ZNG1B: variants seen among roughly 807,000 people sequenced by gnomAD.
The protein encoded by ZNG1B is zinc-regulated GTPase metalloprotein activator 1B.
the ZNG1B span, among the ~76,000 whole-genome samples, chr2:113,438,352 C>T: frequency 6.6e-6 from 1 of 152,150 alleles, no homozygotes; most frequent in East Asian, 1.9e-4. Flanking sequence ...ATCTACCTCA[C>T]CTGAAAATGG....
At chr2:113,488,454 A>C in the ZNG1B span, among the ~76,000 whole-genome samples, 1 of 152,208 alleles carries the variant, frequency 6.6e-6, no homozygotes, top group Non-Finnish European at 1.5e-5. Flanking sequence ...TGACAAAAGA[A>C]GGTTCTTTAA....
At chr2:113,437,795 T>C in the ZNG1B span, 12 of 1,596,318 alleles carry the variant, frequency 7.5e-6, no homozygotes, top group Non-Finnish European at 1.0e-5. Context: ...AGTGGCGTGC[T>C]GGGCGTGCGC....
At chr2:113,472,434 T>C in the ZNG1B span, among the ~76,000 whole-genome samples, 4 of 151,920 alleles carry the variant, frequency 2.6e-5, no homozygotes, top group South Asian at 4.2e-4. Context: ...ATTTTGTAGG[T>C]TGCCTGTTCA....
the ZNG1B span, among the ~76,000 whole-genome samples, chr2:113,477,865 T>C: frequency 3.3e-5 from 5 of 152,218 alleles, no homozygotes; most frequent in African/African-American, 1.2e-4. Context: ...TCTACACTCT[T>C]TCTGTGGGGT....
At chr2:113,458,189 TC>T in the ZNG1B span, among the ~76,000 whole-genome samples, 1 of 152,070 alleles carries the variant, frequency 6.6e-6, no homozygotes. Flanking sequence ...ATGAAAGTCA[TC>T]TGACTTAATG....
chr2:113,442,315 T>C, the ZNG1B span, among the ~76,000 whole-genome samples: 9 of 152,188 alleles, frequency 5.9e-5, no homozygotes, highest in Non-Finnish European at 1.3e-4. Flanking sequence ...ACTTCTGTTA[T>C]CTTTATAGAA....
chr2:113,481,440 C>A, the ZNG1B span: 2 of 152,150 alleles, frequency 1.3e-5, no homozygotes, highest in Non-Finnish European at 2.9e-5. Context: ...CAAGTTCTTT[C>A]TCTTTCCTAA....
the ZNG1B span, among the ~76,000 whole-genome samples, chr2:113,441,035 T>G: frequency 1.3e-5 from 2 of 150,860 alleles, no homozygotes; most frequent in Non-Finnish European, 3.0e-5. Context: ...TGAAGTTGCG[T>G]CTTGTTAATG....
At chr2:113,443,024 AGT>A in the ZNG1B span, among the ~76,000 whole-genome samples, 1 of 150,010 alleles carries the variant, frequency 6.7e-6, no homozygotes, top group African/African-American at 2.5e-5. Flanking sequence ...GCTGGAGTGC[AGT>A]GGCACAGTCT....
the ZNG1B span, among the ~76,000 whole-genome samples, chr2:113,456,493 A>G: frequency 6.6e-6 from 1 of 151,966 alleles, no homozygotes. Flanking sequence ...ATGCCATGCT[A>G]AAAGTCAAAC....
the ZNG1B span, chr2:113,445,143 A>G: frequency 6.5e-7 from 1 of 1,539,446 alleles, no homozygotes; most frequent in Non-Finnish European, 8.8e-7. Flanking sequence ...CATGAGGATT[A>G]AAGCTTTTGT....
At chr2:113,477,334 C>G in the ZNG1B span, among the ~76,000 whole-genome samples, 1 of 152,204 alleles carries the variant, frequency 6.6e-6, no homozygotes, top group African/African-American at 2.4e-5. Flanking sequence ...CTCCCTGACC[C>G]CCTGCGCTTC....
the ZNG1B span, among the ~76,000 whole-genome samples, chr2:113,489,304 A>T: frequency 6.6e-6 from 1 of 152,044 alleles, no homozygotes; most frequent in Admixed American, 6.6e-5. Flanking sequence ...ACAAACAGAG[A>T]ATTCACCACT....
chr2:113,444,811 G>A, the ZNG1B span, among the ~76,000 whole-genome samples: 172 of 152,008 alleles, frequency 1.1e-3, 1 homozygote, highest in African/African-American at 3.8e-3. Context: ...AATATGGGAC[G>A]GACATTTTGT....
At chr2:113,438,218 G>C in the ZNG1B span, among the ~76,000 whole-genome samples, 3 of 152,126 alleles carry the variant, frequency 2.0e-5, no homozygotes, top group Non-Finnish European at 4.4e-5. Flanking sequence ...CCCCCTCTGC[G>C]TTAGATTCCC....
At chr2:113,488,848 C>G in the ZNG1B span, among the ~76,000 whole-genome samples, 1 of 152,070 alleles carries the variant, frequency 6.6e-6, no homozygotes, top group East Asian at 1.9e-4. Flanking sequence ...ATGAAGAAAG[C>G]CTTCAAGAAA....
At chr2:113,439,006 G>T in the ZNG1B span, 1 of 1,062,944 alleles carries the variant, frequency 9.4e-7, no homozygotes, top group Non-Finnish European at 1.4e-6. Flanking sequence ...TTTATTTTTG[G>T]CGTTTCCCCA....
chr2:113,479,729 G>A, the ZNG1B span, among the ~76,000 whole-genome samples: 1 of 151,994 alleles, frequency 6.6e-6, no homozygotes, highest in African/African-American at 2.4e-5. Context: ...GATGCTGTGG[G>A]CAGTTTTGAT....
chr2:113,453,372 C>A, the ZNG1B span, among the ~76,000 whole-genome samples: 1 of 151,942 alleles, frequency 6.6e-6, no homozygotes, highest in Non-Finnish European at 1.5e-5. Flanking sequence ...CGTGCCTCAG[C>A]CTCCCGAGTA....
Sources: allele counts gnomAD v4.1 joint callset (sites outside exome capture counted in the v4.1 genomes callset), GRCh38; gene constraint gnomAD v4.1.1; transcripts MANE v1.5; gene names NCBI Gene and HGNC (gene_info 2026-07-23, HGNC 2026-07-21).